Variants in SPTBN2 observed in about 807,000 individuals in gnomAD.
SPTBN2 encodes the protein spectrin beta chain, non-erythrocytic 2.
SPTBN2 carries 107 observed loss-of-function variants against 284.2 expected under a neutral mutation model. The observed-to-expected ratio is 0.38, with a 90% CI of 0.32 to 0.44. The LOEUF (loss-of-function observed/expected upper bound fraction) is 0.44. Among genes scored for constraint, SPTBN2 ranks in the 20% least tolerant of loss-of-function variants. The probability of loss-of-function intolerance (pLI) is 1.00; values close to 1 mark genes in which losing one functional copy is unlikely to be tolerated. For missense variants in SPTBN2, 2,569 were observed against 3,287.1 expected, an observed-to-expected ratio of 0.78 and a Z score of 5.34; for synonymous variants, 1,289 against 1,354.8, an observed-to-expected ratio of 0.95 and a Z score of 1.07.
At chr11:66,734,397 C>G (rs551292659) in intron 1 of SPTBN2, among the ~76,000 whole-genome samples, 1 of 152,178 alleles carries the variant, frequency 6.6e-6, no homozygotes. Context: ...AGTTTGCACA[C>G]CCTGCTTACC....
chr11:66,686,490 A>G, intron 36 of SPTBN2, 50 bp from the exon 37 acceptor site: 1 of 1,606,072 alleles, frequency 6.2e-7, no homozygotes, highest in East Asian at 2.2e-5. Flanking sequence ...CGGATCTGCC[A>G]GGTAGCTGCT....
chr11:66,692,739 T>C lies in SPTBN2; in HGVS notation c.4987A>G (p.Thr1663Ala). 1 of 1,601,346 alleles carries C rather than the reference T, an allele frequency of 6.2e-7. No homozygotes were observed. The highest frequency in any genetic ancestry group is 8.5e-7 in the Non-Finnish European group (1 of 1,179,930). ...DMIDHEHPES[T>A]RISIRQAQVD... is the part of the protein sequence containing the mutation. ...TGGGCTTGGCGGATGGATATCCGAG[T>C]GCTGCAAGAAGAGTGAGGGAGGCAC... The change falls in exon 26 of 38, where the codon ACT becomes GCT. Residue 1663 changes from threonine (T) to alanine (A), a missense_variant and splice_region_variant. This residue lies in a region of SPTBN2 where 1,130 missense variants were observed against 1,317.3 expected (regional missense o/e 0.86). Coordinates refer to ENST00000533211, the MANE Select transcript of SPTBN2 (RefSeq NM_006946.4).
chr11:66,691,774 G>C lies in SPTBN2; in HGVS notation c.5191-116C>G, dbSNP rs1354356649. The C allele has an allele frequency of 6.8e-7, 1 of 1,473,196 alleles. No homozygotes were observed. Among genetic ancestry groups the C allele is most frequent in the African/African-American group, 1.4e-5 (1 of 72,212 alleles). 91.3% of individuals were successfully genotyped at this position (1,473,196 alleles called of 1,614,324 possible). On this transcript the variant is annotated intron_variant, in intron 26 of 37. Transcript: ENST00000533211. The surrounding 1 kb of genome is among the most constrained non-coding windows in gnomAD (Gnocchi z 8.0). ...AACCCACCTCTCCCCGCTGCATGGGGGCCGGGACAGGTTTCTTCCCTGTGG... is the reference window on the plus strand; with the variant it reads ...AACCCACCTCTCCCCGCTGCATGGGCGCCGGGACAGGTTTCTTCCCTGTGG...
chr11:66,697,918 T>G (rs1039967098), intron 20 of SPTBN2, among the ~76,000 whole-genome samples: 10 of 152,238 alleles, frequency 6.6e-5, no homozygotes, highest in Non-Finnish European at 4.4e-5. Flanking sequence ...GAAAGCACAC[T>G]GGTCTCCTTT....
chr11:66,702,854 C>T (rs1383445517), intron 15 of SPTBN2, among the ~76,000 whole-genome samples: 5 of 136,316 alleles, frequency 3.7e-5, no homozygotes, highest in South Asian at 2.7e-4. Flanking sequence ...AGGAGAATGG[C>T]GTGAACCCGG....
At chr11:66,734,943 A>C (rs1369927861) in intron 1 of SPTBN2, among the ~76,000 whole-genome samples, 1 of 152,236 alleles carries the variant, frequency 6.6e-6, no homozygotes, top group African/African-American at 2.4e-5. Context: ...ACAGCAAGTA[A>C]GTGCTTTGTA....
chr11:66,707,776 G>A lies in SPTBN2; in HGVS notation c.1393C>T (p.Arg465Trp), dbSNP rs1017538609. 2 of 1,609,362 alleles carry A rather than the reference G, an allele frequency of 1.2e-6. No homozygotes were observed. The highest frequency in any genetic ancestry group is 1.3e-5 in the African/African-American group (1 of 74,932). The change falls in exon 13 of 38, where the codon CGG becomes TGG. Residue 465 changes from arginine (R) to tryptophan (W), a missense_variant. Transcript: ENST00000533211. This position sits in a 1 kb window ranked among gnomAD's most constrained non-coding sequence, Gnocchi z 4.9. ...TCCGTCTCAATGGCTTCGTGCTTCC[G>A]TACTGCTGCCTCGACAGCTGCCAGC... ...LELAAVEAAV[R>W]KHEAIETDIV...
Position 66,700,693 on chromosome 11 carries a change from C to T in SPTBN2, c.3406G>A (p.Ala1136Thr). Residue 1136 changes from alanine (A) to threonine (T), a missense_variant, in exon 17 of 38, where the codon GCT becomes ACT. Ala to Thr is a moderately conservative substitution (Grantham distance 58). Coordinates refer to ENST00000533211, the MANE Select transcript of SPTBN2 (RefSeq NM_006946.4). The surrounding 1 kb of genome is among the most constrained non-coding windows in gnomAD (Gnocchi z 6.6). Reference protein sequence around the residue: ...ALGEEVTRDQADPQCLFLRQR... With the variant: ...ALGEEVTRDQTDPQCLFLRQR... Reference sequence around the variant, plus strand: ...CGTAGGAAGAGGCACTGGGGGTCAGCCTGGTCCCGGGTCACCTCCTCGCCC... The same window carrying T: ...CGTAGGAAGAGGCACTGGGGGTCAGTCTGGTCCCGGGTCACCTCCTCGCCC... 1 of 1,605,836 alleles carries T rather than the reference C, an allele frequency of 6.2e-7. No individual in the cohort carries two copies. The highest frequency in any genetic ancestry group is 8.5e-7 in the Non-Finnish European group (1 of 1,179,890).
Position 66,688,195 on chromosome 11 carries a change from C to T in SPTBN2, c.6348G>A (p.Gln2116=). ...SVPPGDLVGG[Q]TASDTTWDGT... is the part of the protein sequence containing the mutation. ...CGTCCCAGGTGGTGTCAGAAGCTGT[C>T]TGGCCGCCCACCAGGTCCCCTGGAG... Residue 2116 remains glutamine (Q), a synonymous_variant, in exon 32 of 38, where the codon CAG becomes CAA. Transcript: ENST00000533211. 6.2e-7 allele frequency: 1 copy of T among 1,613,660 alleles called. No homozygotes were observed. The highest frequency in any genetic ancestry group is 8.5e-7 in the Non-Finnish European group (1 of 1,180,040).
Position 66,707,947 on chromosome 11 carries a change from C to T in SPTBN2, c.1351-129G>A. On this transcript the variant is annotated intron_variant, in intron 12 of 37. Coordinates refer to ENST00000533211, the MANE Select transcript of SPTBN2 (RefSeq NM_006946.4). This position sits in a 1 kb window ranked among gnomAD's most constrained non-coding sequence, Gnocchi z 4.9. The stretch of plus-strand genomic sequence containing the variant: ...CGGTGGCTCTAAGTTCCCTCTCTAT[C>T]CCACCCCCATCCTGTCTCACCAACC... 7.2e-7 allele frequency: 1 copy of T among 1,391,364 alleles called. No individual in the cohort carries two copies. The highest frequency in any genetic ancestry group is 1.3e-5 in the South Asian group (1 of 76,818). 86.2% of individuals were successfully genotyped at this position (1,391,364 alleles called of 1,614,324 possible). A position where few individuals can be genotyped will look rare whatever the true frequency, so the allele number is the denominator to read the frequency against.
In SPTBN2 at chr11:66,696,321, C is replaced by T. The variant is rs1292794394; in HGVS notation, c.4234G>A (p.Gly1412Ser). 1.2e-6 allele frequency: 2 copies of T among 1,613,182 alleles called. No individual in the cohort carries two copies. Among genetic ancestry groups the T allele is most frequent in the Non-Finnish European group, 8.5e-7 (1 of 1,180,026 alleles). ...ATGTTGACGCTGGTGAGGTCCTTGC[C>T]GTAGTCATCCGAGTGCAGCTGGGCC... The part of the protein sequence containing the change: ...LQAQLHSDDY[G>S]KDLTSVNILL... Residue 1412 changes from glycine (G) to serine (S), a missense_variant, in exon 21 of 38, where the codon GGC becomes AGC. Gly to Ser is a moderately conservative substitution (Grantham distance 56). Transcript: ENST00000533211.
In SPTBN2 at chr11:66,721,115, G is replaced by T; in HGVS notation, c.126C>A (p.Leu42=). The change falls in exon 3 of 38, where the codon CTC becomes CTA. Residue 42 remains leucine (L), a synonymous_variant. Transcript: ENST00000533211. ...GAGCCTTAATGCGAGACCTCTCAAAGAGGCGGGCCGAGCTGCTGTCATTGT... is the reference window on the plus strand; with the variant it reads ...GAGCCTTAATGCGAGACCTCTCAAATAGGCGGGCCGAGCTGCTGTCATTGT... ...DWDNDSSSAR[L]FERSRIKALA... 7 of 1,614,170 alleles carry T rather than the reference G, an allele frequency of 4.3e-6. No homozygotes were observed. The highest frequency in any genetic ancestry group is 5.9e-6 in the Non-Finnish European group (7 of 1,180,024).
intron 17 of SPTBN2, 32 bp from the exon 18 acceptor site, chr11:66,699,640 T>C: frequency 6.2e-7 from 1 of 1,611,928 alleles, no homozygotes; most frequent in Non-Finnish European, 8.5e-7. Flanking sequence ...CAGCTCATTT[T>C]CCCCAGCACA....
rs756595661 is a variant in SPTBN2 at position 66,715,866 on chromosome 11, C to T, written c.273G>A (p.Leu91=). 1 of 1,614,080 alleles carries T rather than the reference C, an allele frequency of 6.2e-7. No homozygotes were observed. The highest frequency in any genetic ancestry group is 8.5e-7 in the Non-Finnish European group (1 of 1,179,996). The change falls in exon 4 of 38, where the codon CTG becomes CTA. Residue 91 remains leucine, a synonymous_variant. Coordinates refer to ENST00000533211, the MANE Select transcript of SPTBN2 (RefSeq NM_006946.4). This position sits in a 1 kb window ranked among gnomAD's most constrained non-coding sequence, Gnocchi z 5.3. ...LYSDLRDGRN[L]LRLLEVLSGE... is the part of the protein sequence containing the mutation. ...CCGAGAGCACCTCGAGGAGCCTCAG[C>T]AGGTTGCGTCCGTCCCGGAGGTCGC...
Position 66,686,903 on chromosome 11 carries a change from G to A in SPTBN2, c.6896+91C>T, listed in dbSNP as rs1283401012. ...GGTTACTCCACTCAGGCTCCTTACA[G>A]GAACTCCCCTCCCTCTGGACCTGAC... is the stretch of plus-strand genomic sequence containing the variant. On this transcript the variant is annotated intron_variant, in intron 36 of 37. Coordinates refer to ENST00000533211, the MANE Select transcript of SPTBN2 (RefSeq NM_006946.4). 7.0e-6 allele frequency: 11 copies of A among 1,571,110 alleles called. No individual in the cohort carries two copies. The African/African-American group carries it at 1.5e-4, about 21-fold the overall frequency.
At chr11:66,728,672 G>C (rs1942730133) in intron 1 of SPTBN2, 69 bp downstream of exon 1, 1 of 152,078 alleles carries the variant, frequency 6.6e-6, no homozygotes, top group Non-Finnish European at 1.5e-5. Context: ...CCGCCTTCCC[G>C]TCCTCGCTGG....
At chr11:66,733,992 A>G (rs1457978870), upstream of SPTBN2, among the ~76,000 whole-genome samples, 6 of 151,998 alleles carry the variant, frequency 3.9e-5, no homozygotes, top group East Asian at 9.7e-4. Flanking sequence ...CTCAAAAAAA[A>G]AAAAAAAAAA....
At chr11:66,686,138 G>T in intron 37 of SPTBN2, 34 bp from the exon 38 acceptor site, 1 of 1,595,414 alleles carries the variant, frequency 6.3e-7, no homozygotes, top group South Asian at 1.1e-5. Context: ...CAGCTTCAAG[G>T]ACACTGTGCT....
rs77000671 is a variant in SPTBN2, at chr11:66,704,390, G to C, written c.2678+208C>G. 0.011 allele frequency among the ~76,000 whole-genome samples: 1,641 copies of C among 152,330 alleles called. 39 individuals are homozygous for C. Among genetic ancestry groups the C allele is most frequent in the African/African-American group, 0.037 (1,535 of 41,564 alleles). On this transcript the variant is annotated intron_variant, in intron 15 of 37. Transcript: ENST00000533211. ...ATAGAGCAAGATGTTGGCAATGACT[G>C]AATCTGGGTGACGGGTGTAGAGGGG...
Sources: allele counts gnomAD v4.1 joint callset (sites outside exome capture counted in the v4.1 genomes callset), GRCh38; gene constraint gnomAD v4.1.1; regional missense constraint gnomAD v4.1.1; non-coding constraint Gnocchi (gnomAD v3.1); transcripts MANE v1.5; gene names NCBI Gene and HGNC (gene_info 2026-07-23, HGNC 2026-07-21).